SPEF2: variants seen among roughly 807,000 people sequenced by gnomAD.
SPEF2 encodes sperm flagella and cilia-associated protein 2.
A neutral mutation model predicts 224.6 loss-of-function variants in SPEF2; 187 were observed. The ratio of observed to expected loss-of-function variants is 0.83; its 90% CI spans 0.74 to 0.94. The LOEUF (loss-of-function observed/expected upper bound fraction) is 0.94, where lower values mean the gene tolerates loss of function less well. SPEF2 is among the 40% of genes least tolerant of loss of function. SPEF2 has a pLI of 0.00. For missense variants in SPEF2, 2,170 were observed against 2,135.6 expected, an observed-to-expected ratio of 1.02 and a Z score of -0.32; for synonymous variants, 715 against 707.3, an observed-to-expected ratio of 1.01 and a Z score of -0.17.
At chr5:35,663,116 G>C (rs1365728383) in intron 8 of SPEF2, among the ~76,000 whole-genome samples, 1 of 152,070 alleles carries the variant, frequency 6.6e-6, no homozygotes, top group Non-Finnish European at 1.5e-5. Flanking sequence ...CTCCTTCTCA[G>C]GAGCAGGGTC....
rs374695352 is a variant in SPEF2, at chr5:35,697,662, T to A, written c.2038-28T>A. On this transcript the variant is annotated intron_variant, in intron 14 of 36. Coordinates refer to ENST00000356031, the MANE Select transcript of SPEF2 (RefSeq NM_024867.4). ...GAATTTGACTTTTAAATTAGCCATC[T>A]TCTGTCATTTCTTGTTTATTTTCCC... The A allele has an allele frequency of 9.6e-6, 15 of 1,565,794 alleles. No individual in the cohort carries two copies. The African/African-American group carries it at 2.1e-4, about 22-fold the overall frequency.
chr5:35,648,029 T>C (rs768070770), intron 5 of SPEF2, among the ~76,000 whole-genome samples: 6 of 152,212 alleles, frequency 3.9e-5, no homozygotes, highest in Non-Finnish European at 8.8e-5. Context: ...CTACCATTTA[T>C]TGAACATGTG....
chr5:35,652,340 G>A (rs1343523179), intron 6 of SPEF2, among the ~76,000 whole-genome samples: 1 of 152,004 alleles, frequency 6.6e-6, no homozygotes, highest in Admixed American at 6.6e-5. Context: ...GCTCAATCCA[G>A]GGCAGGAGCT....
intron 20 of SPEF2, among the ~76,000 whole-genome samples, chr5:35,721,153 AC>A (rs1301429205): frequency 6.6e-6 from 1 of 152,162 alleles, no homozygotes; most frequent in Admixed American, 6.5e-5. Flanking sequence ...CACACAGAGA[AC>A]CTTTTCTGCA....
At chr5:35,619,479 G>A (rs1326885163) in intron 1 of SPEF2, among the ~76,000 whole-genome samples, 3 of 152,054 alleles carry the variant, frequency 2.0e-5, no homozygotes, top group East Asian at 3.9e-4. Context: ...TCAGGAGTTC[G>A]AGACCAGCCT....
chr5:35,662,221 C>T (rs1488648795), intron 8 of SPEF2, among the ~76,000 whole-genome samples: 1 of 151,798 alleles, frequency 6.6e-6, no homozygotes, highest in Non-Finnish European at 1.5e-5. Context: ...ATTTGTATGT[C>T]TTCTTTTGAA....
chr5:35,692,513 A>G (rs140075915), intron 11 of SPEF2, 57 bp from the exon 12 acceptor site: 68 of 1,403,532 alleles, frequency 4.8e-5, no homozygotes, highest in Non-Finnish European at 6.2e-5. Context: ...ACATAAAGAC[A>G]ACAATTTCCA....
chr5:35,758,590 TC>T (rs1750774648), intron 24 of SPEF2, among the ~76,000 whole-genome samples: 1 of 152,160 alleles, frequency 6.6e-6, no homozygotes, highest in African/African-American at 2.4e-5. Flanking sequence ...GCTACATTTT[TC>T]ACAAGGTACT....
intron 14 of SPEF2, 93 bp downstream of exon 14, chr5:35,695,889 A>G (rs774847397): frequency 6.8e-6 from 6 of 881,616 alleles, no homozygotes; most frequent in South Asian, 5.7e-5. Context: ...ATGAAATTGC[A>G]ATGTGCTCTT....
intron 30 of SPEF2, among the ~76,000 whole-genome samples, chr5:35,782,978 G>A (rs1754554363): frequency 6.6e-6 from 1 of 152,068 alleles, no homozygotes; most frequent in Admixed American, 6.5e-5. Context: ...CATGCAAAAT[G>A]CAATGAAACA....
intron 10 of SPEF2, chr5:35,671,598 T>G: frequency 1.2e-6 from 1 of 848,620 alleles, no homozygotes; most frequent in Non-Finnish European, 1.4e-6. Flanking sequence ...ATCGAATGTT[T>G]ATTTCTAAAT....
chr5:35,790,130 A>C, intron 30 of SPEF2: 1 of 702,988 alleles, frequency 1.4e-6, no homozygotes. Flanking sequence ...CCCTTCCTGC[A>C]AGTTCAGCTG....
intron 20 of SPEF2, among the ~76,000 whole-genome samples, chr5:35,715,285 A>G (rs554018865): frequency 3.3e-5 from 5 of 150,168 alleles, no homozygotes; most frequent in African/African-American, 7.3e-5. Context: ...CTGAAGACTT[A>G]TGTTTTCACT....
At chr5:35,748,391 C>T (rs1161838145) in intron 23 of SPEF2, among the ~76,000 whole-genome samples, 2 of 151,956 alleles carry the variant, frequency 1.3e-5, no homozygotes. Flanking sequence ...AATCAAAAAG[C>T]TGGTTCTTTG....
intron 26 of SPEF2, chr5:35,764,476 A>T (rs1751799915): frequency 2.3e-6 from 1 of 431,612 alleles, no homozygotes; most frequent in African/African-American, 2.0e-5. Context: ...CAGAAGTGCC[A>T]CACCATGGGG....
At chr5:35,639,296 T>C (rs901197654) in intron 2 of SPEF2, among the ~76,000 whole-genome samples, 1 of 152,154 alleles carries the variant, frequency 6.6e-6, no homozygotes, top group African/African-American at 2.4e-5. Context: ...GAACCAAATA[T>C]CATCCATCTT....
chr5:35,649,254 C>T, intron 5 of SPEF2, 107 bp from the exon 6 acceptor site: 1 of 892,626 alleles, frequency 1.1e-6, no homozygotes, highest in Non-Finnish European at 1.7e-6. Flanking sequence ...ATCCTAATTA[C>T]CTTGAATTAG....
intron 2 of SPEF2, among the ~76,000 whole-genome samples, chr5:35,631,201 G>C (rs1270071096): frequency 6.6e-6 from 1 of 151,962 alleles, no homozygotes; most frequent in East Asian, 1.9e-4. Context: ...GTGCAGAGAA[G>C]CTCTTGTTTT....
chr5:35,755,737 G>T (rs1464652922), intron 24 of SPEF2, among the ~76,000 whole-genome samples: 1 of 152,080 alleles, frequency 6.6e-6, no homozygotes, highest in Non-Finnish European at 1.5e-5. Context: ...AGCCTCCCAA[G>T]TAGCTGGGAT....
Sources: allele counts gnomAD v4.1 joint callset (sites outside exome capture counted in the v4.1 genomes callset), GRCh38; gene constraint gnomAD v4.1.1; transcripts MANE v1.5; gene names NCBI Gene and HGNC (gene_info 2026-07-23, HGNC 2026-07-21).